Variants in RALYL observed in about 807,000 individuals in gnomAD.
RALYL encodes RNA-binding Raly-like protein.
A neutral mutation model predicts 35.1 loss-of-function variants in RALYL; 29 were observed. The ratio of observed to expected loss-of-function variants is 0.83; its 90% CI spans 0.61 to 1.13. RALYL has a LOEUF of 1.13. Ranked by LOEUF, RALYL falls within the 50% of genes most tolerant of loss-of-function variation. The pLI, the probability that RALYL is intolerant of heterozygous loss-of-function variation, is 0.00. For synonymous variants in RALYL, 120 were observed against 127.6 expected, an observed-to-expected ratio of 0.94 and a Z score of 0.40; for missense variants, 359 against 360.4, an observed-to-expected ratio of 1.00 and a Z score of 0.03.
At chr8:84,756,898 G>A (rs1811552295) in intron 2 of RALYL, among the ~76,000 whole-genome samples, 1 of 151,908 alleles carries the variant, frequency 6.6e-6, no homozygotes, top group South Asian at 2.1e-4. Context: ...ATTTTAAAAA[G>A]GTACAAAATT....
intron 5 of RALYL, among the ~76,000 whole-genome samples, chr8:84,860,011 C>G (rs1359871782): frequency 6.6e-6 from 1 of 152,148 alleles, no homozygotes; most frequent in African/African-American, 2.4e-5. Context: ...AAAAGCATAT[C>G]ATAAATACAG....
chr8:84,380,543 A>T (rs1201485294), intron 1 of RALYL, among the ~76,000 whole-genome samples: 2 of 151,866 alleles, frequency 1.3e-5, no homozygotes, highest in African/African-American at 4.8e-5. Context: ...TTCAGATTCG[A>T]TGGAAAGAGA....
intron 1 of RALYL, among the ~76,000 whole-genome samples, chr8:84,350,572 AAAC>A (rs1259248222): frequency 6.7e-6 from 1 of 150,220 alleles, no homozygotes; most frequent in African/African-American, 2.5e-5. Context: ...TAGTAAGTAA[AAAC>A]AAGCCATGCA....
chr8:84,687,487 A>G (rs1208830665), intron 2 of RALYL, among the ~76,000 whole-genome samples: 2 of 152,122 alleles, frequency 1.3e-5, no homozygotes, highest in Non-Finnish European at 2.9e-5. Context: ...TTCCACATGG[A>G]TGATCAAATT....
intron 1 of RALYL, among the ~76,000 whole-genome samples, chr8:84,365,764 T>C (rs1189265654): frequency 1.3e-5 from 2 of 152,164 alleles, no homozygotes; most frequent in Admixed American, 6.5e-5. Context: ...GAAAATGAAT[T>C]TTTTAGAAGG....
intron 1 of RALYL, among the ~76,000 whole-genome samples, chr8:84,277,679 T>C (rs2132035750): frequency 6.6e-6 from 1 of 152,310 alleles, no homozygotes; most frequent in Admixed American, 6.5e-5. Flanking sequence ...ACACCTATTT[T>C]AAATGGGAGA....
intron 1 of RALYL, among the ~76,000 whole-genome samples, chr8:84,386,636 C>T (rs1586767332): frequency 6.6e-6 from 1 of 151,844 alleles, no homozygotes. Flanking sequence ...GGTTCAGCAA[C>T]TGAGAGCTTT....
Position 84,635,146 on chromosome 8 carries a change from GTACTT to G in RALYL, c.256+105573_256+105577del, listed in dbSNP as rs573528432. 5.3e-5 allele frequency among the ~76,000 whole-genome samples: 8 copies of G among 151,820 alleles called. No homozygotes were observed. The South Asian group carries it at 1.7e-3, about 31-fold the overall frequency. On this transcript the variant is annotated intron_variant, in intron 2 of 8. Coordinates refer to ENST00000521268, the MANE Select transcript of RALYL (RefSeq NM_173848.7). ...TACAGTGCGTTAAGTAGCAGGCTAA[GTACTT>G]TACATATTTTTTTTATTTTATTCTC...
intron 2 of RALYL, among the ~76,000 whole-genome samples, chr8:84,575,048 C>T (rs960746160): frequency 2.6e-5 from 4 of 152,062 alleles, no homozygotes; most frequent in African/African-American, 9.7e-5. Context: ...TAACTTCAAC[C>T]TCAGATTTTT....
At chr8:84,562,345 G>T (rs1168403572) in intron 2 of RALYL, among the ~76,000 whole-genome samples, 1 of 151,774 alleles carries the variant, frequency 6.6e-6, no homozygotes, top group Non-Finnish European at 1.5e-5. Flanking sequence ...ATAAACTTTG[G>T]TCATACCACT....
chr8:84,726,324 T>TTATATATAATTTTATTTTTGTAATAAA (rs1844949577), intron 2 of RALYL, among the ~76,000 whole-genome samples: 1 of 147,234 alleles, frequency 6.8e-6, no homozygotes, highest in African/African-American at 2.5e-5. Flanking sequence ...AAATATATAA[T>TTATATATAATTTTATTTTTGTAATAAA]TATATATAAT....
intron 1 of RALYL, among the ~76,000 whole-genome samples, chr8:84,290,046 G>A (rs1355440272): frequency 1.3e-5 from 2 of 152,178 alleles, no homozygotes; most frequent in Non-Finnish European, 2.9e-5. Flanking sequence ...TAAAATATTA[G>A]ACGCTGATAC....
chr8:84,377,462 T>TGTTTG (rs201091689), intron 1 of RALYL, among the ~76,000 whole-genome samples: 10 of 146,838 alleles, frequency 6.8e-5, no homozygotes, highest in African/African-American at 2.3e-4. Context: ...TTTTTTTTTT[T>TGTTTG]TTTTTTTTTT....
intron 2 of RALYL, among the ~76,000 whole-genome samples, chr8:84,688,496 T>C (rs191682214): frequency 6.6e-6 from 1 of 152,248 alleles, no homozygotes; most frequent in Non-Finnish European, 1.5e-5. Flanking sequence ...CGATAAGTGT[T>C]GCTGGGAAAA....
chr8:84,873,021 TA>T, intron 6 of RALYL: 1 of 307,328 alleles, frequency 3.3e-6, no homozygotes, highest in South Asian at 1.3e-4. Context: ...AAATATTTCT[TA>T]ATTCCGTTAT....
At chr8:84,578,110 G>A (rs1809913884) in intron 2 of RALYL, among the ~76,000 whole-genome samples, 1 of 152,194 alleles carries the variant, frequency 6.6e-6, no homozygotes, top group Non-Finnish European at 1.5e-5. Flanking sequence ...GGCACAGAGT[G>A]GCAAGGGGTG....
intron 1 of RALYL, among the ~76,000 whole-genome samples, chr8:84,457,411 A>G (rs770364593): frequency 3.9e-5 from 6 of 151,918 alleles, no homozygotes; most frequent in Non-Finnish European, 5.9e-5. Flanking sequence ...CTATCCTTAA[A>G]TTAACTTTAA....
chr8:84,678,645 C>T (rs1482252135), intron 2 of RALYL, among the ~76,000 whole-genome samples: 1 of 152,142 alleles, frequency 6.6e-6, no homozygotes, highest in Admixed American at 6.6e-5. Flanking sequence ...AAAAATTGTA[C>T]AAACCTATTT....
intron 1 of RALYL, among the ~76,000 whole-genome samples, chr8:84,449,965 GT>G (rs769770139): frequency 7.9e-5 from 12 of 151,646 alleles, no homozygotes; most frequent in Non-Finnish European, 1.8e-4. Context: ...CTCATTTCAT[GT>G]CCCAGGACAC....
Sources: gnomAD v4.1 joint callset for allele counts (sites outside exome capture counted in the v4.1 genomes callset) on GRCh38, gnomAD v4.1.1 for gene constraint, MANE v1.5 for transcripts, NCBI Gene and HGNC (gene_info 2026-07-23, HGNC 2026-07-21) for gene names.